Variants in ZNF69 observed in about 807,000 individuals in gnomAD.
The protein encoded by ZNF69 is zinc finger protein 69.
A neutral mutation model predicts 50.9 loss-of-function variants in ZNF69; 47 were observed. The ratio of observed to expected loss-of-function variants is 0.92; its 90% confidence interval spans 0.73 to 1.18. The LOEUF (loss-of-function observed/expected upper bound fraction) is 1.18. Among genes scored for constraint, ZNF69 ranks in the 50% most tolerant of loss-of-function variants. The pLI is 0.00. For synonymous variants in ZNF69, 216 were observed against 223.1 expected (o/e 0.97, Z 0.29); for missense variants, 717 against 675.1 (o/e 1.06, Z -0.69).
the ZNF69 span, among the ~76,000 whole-genome samples, chr19:11,951,022 G>A: frequency 1.1e-4 from 16 of 151,112 alleles, no homozygotes; most frequent in Admixed American, 2.6e-4. Flanking sequence ...ATGGTGGCGC[G>A]CACCGGTAGT....
the ZNF69 span, chr19:11,965,235 C>G: frequency 1.2e-6 from 2 of 1,613,904 alleles, no homozygotes; most frequent in Non-Finnish European, 1.7e-6. Context: ...GCCGGTTGTC[C>G]CGAGACGGGG....
intron 1 of ZNF69, 37 bp downstream of exon 1, chr19:11,888,023 G>A: frequency 1.2e-6 from 2 of 1,601,010 alleles, no homozygotes; most frequent in Non-Finnish European, 1.7e-6. Flanking sequence ...AGACGGGGGA[G>A]GGGCTGCCTG....
the ZNF69 span, chr19:11,950,185 A>G: frequency 5.6e-6 from 9 of 1,613,768 alleles, no homozygotes; most frequent in African/African-American, 1.2e-4. Context: ...TTCCTTGCAT[A>G]TACACGCAAG....
chr19:11,888,185 C>G (rs879097742), intron 1 of ZNF69, among the ~76,000 whole-genome samples, 199 bp downstream of exon 1: 3 of 152,210 alleles, frequency 2.0e-5, no homozygotes, highest in South Asian at 2.1e-4. Flanking sequence ...CGTCCTGTCT[C>G]GTCTCTGCGC....
In ZNF69 at chr19:11,887,784, T is replaced by G; in HGVS notation, c.-140T>G. The G allele has an allele frequency of 1.7e-6, 1 of 576,824 alleles. No homozygotes were observed. Among genetic ancestry groups the G allele is most frequent in the Non-Finnish European group, 2.9e-6 (1 of 339,652 alleles). The allele number at this position is 576,824 out of a possible 1,614,324, so 35.7% of individuals were successfully genotyped here. On this transcript the variant is annotated 5_prime_UTR_variant, in exon 1 of 4. Transcript: ENST00000429654. ...GGCATTGTGGCGGGTCCCTGCCCACTGTTCCTCCAGACACTGAGGGGGTCG... is the reference window on the plus strand; with the variant it reads ...GGCATTGTGGCGGGTCCCTGCCCACGGTTCCTCCAGACACTGAGGGGGTCG...
At chr19:11,891,290 G>C (rs1265579837) in intron 1 of ZNF69, among the ~76,000 whole-genome samples, 1 of 151,768 alleles carries the variant, frequency 6.6e-6, no homozygotes, top group African/African-American at 2.4e-5. Context: ...AGCCGGGTGT[G>C]GTGGCTTGCA....
At chr19:11,892,135 A>ATTT (rs4071659) in intron 1 of ZNF69, among the ~76,000 whole-genome samples, 22 of 113,916 alleles carry the variant, frequency 1.9e-4, no homozygotes, top group East Asian at 5.2e-4. Flanking sequence ...CTCCTGGCTG[A>ATTT]TTTTTTTTTT....
intron 1 of ZNF69, among the ~76,000 whole-genome samples, chr19:11,896,147 AGAT>A (rs1977221340): frequency 1.5e-5 from 2 of 133,002 alleles, no homozygotes; most frequent in Admixed American, 1.5e-4. Context: ...AGAACCTGGG[AGAT>A]GGAGGTTGCA....
At chr19:11,891,500 A>T (rs545201420) in intron 1 of ZNF69, among the ~76,000 whole-genome samples, 1 of 152,276 alleles carries the variant, frequency 6.6e-6, no homozygotes, top group African/African-American at 2.4e-5. Flanking sequence ...GGGCATCCTC[A>T]TAAAGCAAGT....
chr19:11,920,345 T>A, the ZNF69 span, among the ~76,000 whole-genome samples: 1 of 152,168 alleles, frequency 6.6e-6, no homozygotes, highest in African/African-American at 2.4e-5. Context: ...ACTCTTGATA[T>A]CAGGTGATCC....
At chr19:11,978,761 TG>T in the ZNF69 span, 3 of 1,614,028 alleles carry the variant, frequency 1.9e-6, no homozygotes, top group Non-Finnish European at 2.5e-6. Context: ...GAACCCACAC[TG>T]GGGGAAAGCC....
At chr19:11,935,272 T>A in the ZNF69 span, among the ~76,000 whole-genome samples, 1 of 139,712 alleles carries the variant, frequency 7.2e-6, no homozygotes, top group Non-Finnish European at 1.5e-5. Context: ...TGTCTGGCTC[T>A]GTTGCCCAGT....
the ZNF69 span, among the ~76,000 whole-genome samples, chr19:11,927,777 C>G: frequency 6.6e-6 from 1 of 152,156 alleles, no homozygotes; most frequent in African/African-American, 2.4e-5. Flanking sequence ...TGTAAGGATA[C>G]TTGCAGGCAT....
chr19:11,958,776 G>C, the ZNF69 span, among the ~76,000 whole-genome samples: 1 of 152,194 alleles, frequency 6.6e-6, no homozygotes, highest in African/African-American at 2.4e-5. Context: ...GGTGAGGCAG[G>C]CTGCCTACCT....
At chr19:11,975,587 C>T in the ZNF69 span, among the ~76,000 whole-genome samples, 7 of 151,868 alleles carry the variant, frequency 4.6e-5, no homozygotes, top group Admixed American at 3.9e-4. Context: ...TTAGTAGAGA[C>T]AGGGTTTCAC....
chr19:11,965,627 A>G, the ZNF69 span, among the ~76,000 whole-genome samples: 2 of 152,244 alleles, frequency 1.3e-5, no homozygotes, highest in Non-Finnish European at 2.9e-5. Context: ...TACATTAACA[A>G]TTAAAGAGTT....
the ZNF69 span, among the ~76,000 whole-genome samples, chr19:11,948,069 TAAG>T: frequency 3.9e-5 from 6 of 152,210 alleles, no homozygotes; most frequent in African/African-American, 1.4e-4. Flanking sequence ...GGAATACTAT[TAAG>T]AAGCCCCTTA....
chr19:11,979,128 A>G, the ZNF69 span: 1 of 1,613,350 alleles, frequency 6.2e-7, no homozygotes, highest in Non-Finnish European at 8.5e-7. Flanking sequence ...TATGTGGGAA[A>G]GGCCTTTATT....
chr19:11,935,050 GCCTAT>G, the ZNF69 span, among the ~76,000 whole-genome samples: 1 of 144,886 alleles, frequency 6.9e-6, no homozygotes, highest in African/African-American at 2.8e-5. Flanking sequence ...GGTGGCGGGC[GCCTAT>G]AGTCCCAGCT....
Sources: gnomAD v4.1 joint callset for allele counts (sites outside exome capture counted in the v4.1 genomes callset) on GRCh38, gnomAD v4.1.1 for gene constraint, MANE v1.5 for transcripts, NCBI Gene and HGNC (gene_info 2026-07-23, HGNC 2026-07-21) for gene names.